The following MICOS10 variants were observed in gnomAD, a reference collection of about 807,000 sequenced individuals.
MICOS10 encodes the protein mitochondrial contact site and cristae organizing system subunit 10, also known as MICOS complex subunit MIC10.
In MICOS10, 5 loss-of-function variants were observed where a neutral mutation model predicts 13.4. That is an observed-to-expected ratio of 0.37 (90% CI 0.20 to 0.78). The LOEUF (loss-of-function observed/expected upper bound fraction) is 0.78, where lower values mean the gene tolerates loss of function less well. MICOS10 is among the 30% of genes least tolerant of loss of function. MICOS10 has a pLI of 0.47. For synonymous variants in MICOS10, 35 were observed against 33.6 expected (o/e 1.04, Z -0.15); for missense variants, 101 against 94.6 (o/e 1.07, Z -0.28).
At chr1:19,623,885 A>G (rs1369561488) in intron 3 of MICOS10, 1 of 209,808 alleles carries the variant, frequency 4.8e-6, no homozygotes, top group Non-Finnish European at 9.4e-6. Flanking sequence ...ACTATCTGTA[A>G]GTAGCACTTT....
intron 1 of MICOS10, among the ~76,000 whole-genome samples, chr1:19,598,502 C>T (rs911604769): frequency 1.3e-5 from 2 of 151,766 alleles, no homozygotes; most frequent in Admixed American, 1.3e-4. Flanking sequence ...TTGAGCTGGG[C>T]GAAGTGGCTC....
rs533909098 is a variant in MICOS10, at chr1:19,610,151, A to T, written c.65-11949A>T. On this transcript the variant is annotated intron_variant, in intron 1 of 3. Coordinates refer to ENST00000322753, the MANE Select transcript of MICOS10 (RefSeq NM_001032363.4). Reference sequence around the variant, plus strand: ...GTGAGACTCCATTTCAAAAAGAAGAAAAAAAGCATAGCCCATAATTCTTAG... The same window carrying T: ...GTGAGACTCCATTTCAAAAAGAAGATAAAAAGCATAGCCCATAATTCTTAG... Among the ~76,000 whole-genome samples, 3 of 152,268 alleles carry T rather than the reference A, an allele frequency of 2.0e-5. No homozygotes were observed. The East Asian group carries it at 5.8e-4, about 29-fold the overall frequency.
Position 19,626,554 on chromosome 1 carries a change from GTCTGTT to G in MICOS10, c.*157_*162del. ...CACCTGGTTATGCATTTGAAACCAA[GTCTGTT>G]TCTTGTTTTGTATTTTCTCTCTGGA... is the stretch of plus-strand genomic sequence containing the variant. On this transcript the variant is annotated 3_prime_UTR_variant, in exon 4 of 4. Coordinates refer to ENST00000322753, the MANE Select transcript of MICOS10 (RefSeq NM_001032363.4). The G allele has an allele frequency of 1.3e-6, 1 of 776,450 alleles. No individual in the cohort carries two copies. The highest frequency in any genetic ancestry group is 2.1e-6 in the Non-Finnish European group (1 of 474,454). 48.1% of individuals were successfully genotyped at this position (776,450 alleles called of 1,614,324 possible). A position where few individuals can be genotyped will look rare whatever the true frequency, so the allele number is the denominator to read the frequency against.
At chr1:19,608,533 T>A in intron 1 of MICOS10, 2 of 1,017,246 alleles carry the variant, frequency 2.0e-6, no homozygotes, top group East Asian at 2.4e-5. Context: ...CTGACAGCAC[T>A]CTCAGGAAGG....
intron 1 of MICOS10, among the ~76,000 whole-genome samples, chr1:19,610,952 C>CA (rs1553309112): frequency 1.4e-5 from 2 of 147,018 alleles, no homozygotes; most frequent in East Asian, 4.0e-4. Context: ...ATTTATTTCT[C>CA]TTTTTTTTTT....
At chr1:19,604,646 G>C (rs1320308189) in intron 1 of MICOS10, among the ~76,000 whole-genome samples, 1 of 152,190 alleles carries the variant, frequency 6.6e-6, no homozygotes, top group African/African-American at 2.4e-5. Flanking sequence ...TTGTAGGTCT[G>C]ATAATCAATA....
Position 19,597,066 on chromosome 1 carries a change from C to G in MICOS10, c.21C>G (p.Gly7=), listed in dbSNP as rs777168829. The part of the protein sequence containing the change: MSESEL[G]RKWDRCLADA... ...GGAACATGTCTGAGTCGGAGCTCGGCAGGAAGTGGGACCGGTGTCTGGCGG... is the reference window on the plus strand; with the variant it reads ...GGAACATGTCTGAGTCGGAGCTCGGGAGGAAGTGGGACCGGTGTCTGGCGG... Residue 7 remains glycine, a synonymous_variant, in exon 1 of 4, where the codon GGC becomes GGG. Coordinates refer to ENST00000322753, the MANE Select transcript of MICOS10 (RefSeq NM_001032363.4). The G allele has an allele frequency of 1.3e-6, 2 of 1,594,706 alleles. No individual in the cohort carries two copies. The highest frequency in any genetic ancestry group is 1.8e-5 in the Admixed American group (1 of 55,896).
At chr1:19,623,263 A>T (rs914341984) in intron 2 of MICOS10, among the ~76,000 whole-genome samples, 1 of 152,148 alleles carries the variant, frequency 6.6e-6, no homozygotes, top group African/African-American at 2.4e-5. Context: ...TAGGCACTTA[A>T]CAAGTATTTG....
chr1:19,602,684 T>A (rs1428763826), intron 1 of MICOS10, among the ~76,000 whole-genome samples: 1 of 152,302 alleles, frequency 6.6e-6, no homozygotes, highest in Admixed American at 6.5e-5. Context: ...TTTATCAGAT[T>A]TATTAAATGC....
In MICOS10 at chr1:19,608,375, C is replaced by T. The variant is rs1570476480; in HGVS notation, c.64+11266C>T. Reference sequence around the variant, plus strand: ...GGATGTGGCCCAGAGGTGCAAGGAGCTGGGTATCATTGCCCTACACATCCA... The same window carrying T: ...GGATGTGGCCCAGAGGTGCAAGGAGTTGGGTATCATTGCCCTACACATCCA... On this transcript the variant is annotated intron_variant, in intron 1 of 3. Coordinates refer to ENST00000322753, the MANE Select transcript of MICOS10 (RefSeq NM_001032363.4). 2 of 1,256,724 alleles carry T rather than the reference C, an allele frequency of 1.6e-6. 1 individual carries two copies. Among genetic ancestry groups the T allele is most frequent in the South Asian group, 2.4e-5 (2 of 83,718 alleles). 77.8% of individuals were successfully genotyped at this position (1,256,724 alleles called of 1,614,324 possible). A position where few individuals can be genotyped will look rare whatever the true frequency, so the allele number is the denominator to read the frequency against.
intron 1 of MICOS10, chr1:19,598,285 C>T (rs1412956061): frequency 2.0e-5 from 3 of 152,152 alleles, no homozygotes; most frequent in Non-Finnish European, 4.4e-5. Flanking sequence ...ATTACTATCT[C>T]ATGGAGTCGT....
At chr1:19,605,065 A>T (rs114200624) in intron 1 of MICOS10, among the ~76,000 whole-genome samples, 13 of 152,322 alleles carry the variant, frequency 8.5e-5, no homozygotes, top group Non-Finnish European at 1.8e-4. Context: ...ATGGAAGCTC[A>T]TGGTGGCAGA....
chr1:19,602,668 T>G (rs1171923497), intron 1 of MICOS10, among the ~76,000 whole-genome samples: 1 of 152,238 alleles, frequency 6.6e-6, no homozygotes, highest in Admixed American at 6.5e-5. Context: ...GGATTTATTT[T>G]TAAGTTTTAT....
rs1247995566 is a variant in MICOS10, at chr1:19,627,379, A to G, written c.*978A>G. On this transcript the variant is annotated 3_prime_UTR_variant, in exon 4 of 4. Transcript: ENST00000322753. ...TCCTGTAAATGTTGATTTATCATCT[A>G]CTGTAAGCGAGGCACTGTTGTAAGC... The G allele has an allele frequency of 3.3e-5, 5 of 152,230 alleles. No homozygotes were observed. Among genetic ancestry groups the G allele is most frequent in the African/African-American group, 4.8e-5 (2 of 41,446 alleles). 9.4% of individuals were successfully genotyped at this position (152,230 alleles called of 1,614,324 possible). A position where few individuals can be genotyped will look rare whatever the true frequency, so the allele number is the denominator to read the frequency against.
chr1:19,600,045 A>G (rs1190540829), intron 1 of MICOS10, among the ~76,000 whole-genome samples: 1 of 152,134 alleles, frequency 6.6e-6, no homozygotes, highest in Non-Finnish European at 1.5e-5. Flanking sequence ...ACTGCCCTCA[A>G]CAGGGAATTG....
chr1:19,607,249 A>G (rs2094838854), intron 1 of MICOS10, among the ~76,000 whole-genome samples: 1 of 152,270 alleles, frequency 6.6e-6, no homozygotes, highest in Non-Finnish European at 1.5e-5. Context: ...ATAATGGAAC[A>G]TTGTGACCTT....
In MICOS10 at chr1:19,627,718, C is replaced by A; in HGVS notation, c.*1317C>A. On this transcript the variant is annotated 3_prime_UTR_variant, in exon 4 of 4. Coordinates refer to ENST00000322753, the MANE Select transcript of MICOS10 (RefSeq NM_001032363.4). The stretch of plus-strand genomic sequence containing the variant: ...GAAATCGCAAGTAGTTCAGCATAGC[C>A]AGGGTGTGTAGGGGCAGGGGAAAGG... 6.6e-6 allele frequency: 1 copy of A among 152,410 alleles called. No individual in the cohort carries two copies. 9.4% of individuals were successfully genotyped at this position (152,410 alleles called of 1,614,324 possible).
intron 1 of MICOS10, chr1:19,617,213 CTTTG>C (rs2094887421): frequency 3.3e-6 from 3 of 918,224 alleles, no homozygotes; most frequent in Non-Finnish European, 3.9e-6. Flanking sequence ...CCTTTCATAC[CTTTG>C]TTTCTTTCCA....
intron 1 of MICOS10, among the ~76,000 whole-genome samples, chr1:19,607,166 A>T (rs1021519723): frequency 6.6e-6 from 1 of 152,266 alleles, no homozygotes; most frequent in Non-Finnish European, 1.5e-5. Flanking sequence ...TTGGGTAGCC[A>T]CATTTTGTTT....
Sources: gnomAD v4.1 joint callset for allele counts (sites outside exome capture counted in the v4.1 genomes callset) on GRCh38, gnomAD v4.1.1 for gene constraint, MANE v1.5 for transcripts, NCBI Gene and HGNC (gene_info 2026-07-23, HGNC 2026-07-21) for gene names.